Variants in CAMTA1 observed in about 807,000 individuals in gnomAD.
CAMTA1 encodes calmodulin-binding transcription activator 1.
Under a neutral mutation model 170.9 loss-of-function variants are expected in CAMTA1, and 27 were observed. That is an observed-to-expected ratio of 0.16 (90% CI 0.12 to 0.22). CAMTA1 has a LOEUF of 0.22. CAMTA1 is among the 10% of genes least tolerant of loss of function. The pLI is 1.00. For synonymous variants in CAMTA1, 833 were observed against 891.5 expected (o/e 0.93, Z 1.17); for missense variants, 1,619 against 2,217.2 (o/e 0.73, Z 5.42).
chr1:7,250,146 G>A (rs984464301), intron 5 of CAMTA1, among the ~76,000 whole-genome samples: 1 of 152,132 alleles, frequency 6.6e-6, no homozygotes, highest in Non-Finnish European at 1.5e-5. Context: ...GCATGGTTGG[G>A]GTCCTGCAGA....
chr1:6,860,327 C>CT (rs1223346314), intron 3 of CAMTA1, among the ~76,000 whole-genome samples: 2 of 152,074 alleles, frequency 1.3e-5, no homozygotes, highest in African/African-American at 4.8e-5. Flanking sequence ...TATAGCTGAA[C>CT]TTTTTTTATA....
At chr1:6,837,635 A>G (rs947554449) in intron 3 of CAMTA1, among the ~76,000 whole-genome samples, 1 of 152,238 alleles carries the variant, frequency 6.6e-6, no homozygotes, top group Non-Finnish European at 1.5e-5. Flanking sequence ...TCAGCTGTGT[A>G]GCAACAGATC....
intron 3 of CAMTA1, among the ~76,000 whole-genome samples, chr1:6,997,656 C>CTTTTTTTTTTTTT (rs201500847): frequency 4.7e-5 from 6 of 128,410 alleles, no homozygotes; most frequent in Non-Finnish European, 6.4e-5. Context: ...CCTTTCTTTT[C>CTTTTTTTTTTTTT]TTTCTTTTTT....
intron 6 of CAMTA1, among the ~76,000 whole-genome samples, chr1:7,468,688 C>G (rs1008249257): frequency 1.4e-4 from 21 of 152,250 alleles, no homozygotes; most frequent in African/African-American, 5.1e-4. Context: ...CATGGCCTGC[C>G]TCTGTCACCC....
intron 4 of CAMTA1, among the ~76,000 whole-genome samples, chr1:7,228,650 G>A (rs894857135): frequency 1.3e-5 from 2 of 152,226 alleles, no homozygotes; most frequent in African/African-American, 4.8e-5. Flanking sequence ...TGAAGCAAGA[G>A]CACCTACAGG....
At chr1:7,074,393 C>T (rs1230897170) in intron 3 of CAMTA1, among the ~76,000 whole-genome samples, 2 of 152,114 alleles carry the variant, frequency 1.3e-5, no homozygotes, top group Non-Finnish European at 2.9e-5. Context: ...TATAAAAACA[C>T]ATACTAATTG....
chr1:7,417,573 G>T (rs562864827), intron 5 of CAMTA1, among the ~76,000 whole-genome samples: 2 of 152,372 alleles, frequency 1.3e-5, no homozygotes, highest in East Asian at 3.9e-4. Context: ...GACCCTCTGA[G>T]CCAGGTGTGG....
intron 6 of CAMTA1, among the ~76,000 whole-genome samples, chr1:7,622,500 CATT>C (rs2095605669): frequency 6.6e-6 from 1 of 152,246 alleles, no homozygotes; most frequent in African/African-American, 2.4e-5. Flanking sequence ...TATAACCCAT[CATT>C]GACTCCTTTC....
intron 3 of CAMTA1, among the ~76,000 whole-genome samples, chr1:6,867,194 G>A (rs747124569): frequency 4.6e-5 from 7 of 152,046 alleles, no homozygotes; most frequent in Non-Finnish European, 8.8e-5. Flanking sequence ...AAAGTTTCCT[G>A]GTGCCTTTTG....
chr1:6,979,865 C>G (rs761613060), intron 3 of CAMTA1, among the ~76,000 whole-genome samples: 6 of 151,962 alleles, frequency 3.9e-5, no homozygotes, highest in Non-Finnish European at 7.4e-5. Context: ...GGAGAGGACC[C>G]CCGGCGTGTG....
chr1:7,193,189 G>T (rs1330830666), intron 4 of CAMTA1, among the ~76,000 whole-genome samples: 1 of 151,614 alleles, frequency 6.6e-6, no homozygotes, highest in Non-Finnish European at 1.5e-5. Flanking sequence ...CATCTCAACT[G>T]AAAAATAAAA....
At chr1:7,423,469 CAA>C (rs1016382434) in intron 5 of CAMTA1, among the ~76,000 whole-genome samples, 35 of 47,892 alleles carry the variant, frequency 7.3e-4, no homozygotes, top group African/African-American at 9.4e-4. Flanking sequence ...AACTCCATCT[CAA>C]AAAAAAAAAA....
chr1:7,586,151 G>T (rs550810286), intron 6 of CAMTA1, among the ~76,000 whole-genome samples: 55 of 152,200 alleles, frequency 3.6e-4, no homozygotes, highest in African/African-American at 1.3e-3. Flanking sequence ...CCAGGCACCT[G>T]GCTGCATCCA....
At chr1:7,008,775 G>A (rs1465722317) in intron 3 of CAMTA1, 6 of 152,158 alleles carry the variant, frequency 3.9e-5, no homozygotes, top group African/African-American at 1.4e-4. Context: ...TTGCATAAGT[G>A]CAAAATGAAT....
intron 4 of CAMTA1, among the ~76,000 whole-genome samples, chr1:7,149,667 G>A (rs1214764574): frequency 6.6e-6 from 1 of 152,182 alleles, no homozygotes; most frequent in East Asian, 1.9e-4. Context: ...CAGGAAACGA[G>A]CCACTGGGTG....
In CAMTA1 at chr1:7,699,840, T is replaced by C. The variant is rs189778296; in HGVS notation, c.2914+22107T>C. 7.2e-5 allele frequency among the ~76,000 whole-genome samples: 11 copies of C among 152,372 alleles called. No individual in the cohort carries two copies. The East Asian group carries it at 2.1e-3, about 29-fold the overall frequency. Reference sequence around the variant, plus strand: ...TATTGATCTTCTTTGGAGAAATGTCTATTCAGATACTTTGCCCATTTTAAA... The same window carrying C: ...TATTGATCTTCTTTGGAGAAATGTCCATTCAGATACTTTGCCCATTTTAAA... On this transcript the variant is annotated intron_variant, in intron 11 of 22. Coordinates refer to ENST00000303635, the MANE Select transcript of CAMTA1 (RefSeq NM_015215.4).
At chr1:7,589,722 C>A (rs994244190) in intron 6 of CAMTA1, among the ~76,000 whole-genome samples, 2 of 152,158 alleles carry the variant, frequency 1.3e-5, no homozygotes, top group African/African-American at 4.8e-5. Context: ...TCTGGACAGA[C>A]CCCCAAAGCC....
At chr1:7,112,184 T>TG (rs1438857212) in intron 4 of CAMTA1, among the ~76,000 whole-genome samples, 1 of 152,224 alleles carries the variant, frequency 6.6e-6, no homozygotes, top group Non-Finnish European at 1.5e-5. Context: ...GTAGAGCTGC[T>TG]GGCTGCTGGG....
At chr1:6,851,857 T>C (rs1442039343) in intron 3 of CAMTA1, among the ~76,000 whole-genome samples, 1 of 151,858 alleles carries the variant, frequency 6.6e-6, no homozygotes, top group African/African-American at 2.4e-5. Flanking sequence ...CTACTAAAAA[T>C]ACAAAAATTA....
Sources: gnomAD v4.1 joint callset for allele counts (sites outside exome capture counted in the v4.1 genomes callset) on GRCh38, gnomAD v4.1.1 for gene constraint, MANE v1.5 for transcripts, NCBI Gene and HGNC (gene_info 2026-07-23, HGNC 2026-07-21) for gene names.